MOK: variants seen among roughly 807,000 people sequenced by gnomAD.
The protein encoded by MOK is MOK protein kinase, also known as MAPK/MAK/MRK overlapping kinase.
Under a neutral mutation model 54.2 loss-of-function variants are expected in MOK, and 59 were observed. The ratio of observed to expected loss-of-function variants is 1.09; its 90% CI spans 0.88 to 1.35. MOK has a LOEUF of 1.35. Ranked by LOEUF, MOK falls within the 40% of genes most tolerant of loss-of-function variation. MOK has a pLI of 0.00. For missense variants in MOK, 517 were observed against 526.2 expected (o/e 0.98, Z 0.17); for synonymous variants, 210 against 202.7 (o/e 1.04, Z -0.31).
chr14:102,291,772 C>A (rs577863321), intron 1 of MOK, among the ~76,000 whole-genome samples: 2 of 152,140 alleles, frequency 1.3e-5, no homozygotes, highest in South Asian at 4.2e-4. Flanking sequence ...GCCTGGCCAA[C>A]ATGGTGAAAC....
At chr14:102,221,121 G>T (rs1169148930), downstream of MOK, among the ~76,000 whole-genome samples, 2 of 152,208 alleles carry the variant, frequency 1.3e-5, no homozygotes, top group African/African-American at 4.8e-5. The surrounding 1 kb of genome is among the most constrained non-coding windows in gnomAD (Gnocchi z 4.8). Context: ...CTTCCTGTGG[G>T]TGGGGCTGCC....
chr14:102,229,270 A>C lies in MOK; in HGVS notation c.*19T>G. The C allele has an allele frequency of 6.4e-7, 1 of 1,571,002 alleles. No homozygotes were observed. The highest frequency in any genetic ancestry group is 8.6e-7 in the Non-Finnish European group (1 of 1,156,826). The stretch of plus-strand genomic sequence containing the variant: ...GGGCTTGGTGTTGCCTCCGAAGTCG[A>C]GACGACGGTGCTGCTCAGTTATCTT... On this transcript the variant is annotated 3_prime_UTR_variant, in exon 12 of 12. Transcript: ENST00000361847.
In MOK at chr14:102,288,041, A is replaced by C. The variant is rs570466051; in HGVS notation, c.8-4449T>G. On this transcript the variant is annotated intron_variant, in intron 1 of 11. Coordinates refer to ENST00000361847, the MANE Select transcript of MOK (RefSeq NM_014226.3). ...AGTAGAGACGGGGTTTCACCTTGTT[A>C]GCCAGGATGGTCTCGATCTCCTGAC... Among the ~76,000 whole-genome samples the C allele has an allele frequency of 7.9e-4, 118 of 150,126 alleles. 1 individual carries two copies. Among genetic ancestry groups the C allele is most frequent in the African/African-American group, 2.7e-3 (109 of 39,968 alleles).
chr14:102,229,085 C>T lies in MOK; in HGVS notation c.*204G>A. 1.9e-6 allele frequency: 1 copy of T among 524,646 alleles called. No homozygotes were observed. The highest frequency in any genetic ancestry group is 3.3e-6 in the Non-Finnish European group (1 of 303,224). 32.5% of individuals were successfully genotyped at this position (524,646 alleles called of 1,614,324 possible). A position where few individuals can be genotyped will look rare whatever the true frequency, so the allele number is the denominator to read the frequency against. ...AAAACCCTAGAATGCGGTGGTTTTACAAGTATATTAGCCCAGAACATCCTA... is the reference window on the plus strand; with the variant it reads ...AAAACCCTAGAATGCGGTGGTTTTATAAGTATATTAGCCCAGAACATCCTA... On this transcript the variant is annotated 3_prime_UTR_variant, in exon 12 of 12. Transcript: ENST00000361847.
At chr14:102,279,274 G>A (rs80203376) in intron 2 of MOK, among the ~76,000 whole-genome samples, 2,737 of 149,208 alleles carry the variant, frequency 0.018, 92 homozygotes, top group African/African-American at 0.067. Context: ...TAAAAGCATA[G>A]CAAGAGAACC....
At chr14:102,233,327 G>T (rs970996025) in intron 8 of MOK, 9 of 197,840 alleles carry the variant, frequency 4.5e-5, no homozygotes, top group African/African-American at 1.9e-4. Context: ...CCGCCAGCAG[G>T]GCTGTGGAGG....
At chr14:102,295,867 G>A (rs1309145443) in intron 1 of MOK, among the ~76,000 whole-genome samples, 3 of 152,194 alleles carry the variant, frequency 2.0e-5, no homozygotes, top group African/African-American at 7.2e-5. Context: ...TGGGCGTGAT[G>A]GCTCACATCT....
At chr14:102,276,889 C>T (rs573848777) in intron 2 of MOK, among the ~76,000 whole-genome samples, 126 of 152,108 alleles carry the variant, frequency 8.3e-4, no homozygotes, top group African/African-American at 2.8e-3. Context: ...TGCTCTGTCA[C>T]CTAGGCTGGA....
At chr14:102,264,383 A>G (rs1354351518) in intron 3 of MOK, 2 of 152,348 alleles carry the variant, frequency 1.3e-5, no homozygotes, top group Non-Finnish European at 2.9e-5. Context: ...TCACATCACA[A>G]GTGTGTGATA....
intron 3 of MOK, 51 bp downstream of exon 3, chr14:102,265,772 A>T: frequency 6.9e-7 from 1 of 1,440,768 alleles, no homozygotes; most frequent in Non-Finnish European, 9.7e-7. Context: ...TCTTAAAAAG[A>T]GATTATTTTC....
rs2064614562 is a variant in MOK, at chr14:102,230,775, G to C, written c.981+932C>G. 6.6e-6 allele frequency: 1 copy of C among 152,632 alleles called. No individual in the cohort carries two copies. The highest frequency in any genetic ancestry group is 2.4e-5 in the African/African-American group (1 of 41,478). 9.5% of individuals were successfully genotyped at this position (152,632 alleles called of 1,614,324 possible). ...TGTGGGATGAAGGAAGGGTCCACGG[G>C]GGGCCTGGGCAGTTGACGGAGTTGC... On this transcript the variant is annotated intron_variant, in intron 10 of 11. Coordinates refer to ENST00000361847, the MANE Select transcript of MOK (RefSeq NM_014226.3). This position sits in a 1 kb window ranked among gnomAD's most constrained non-coding sequence, Gnocchi z 4.1.
chr14:102,265,877 G>A lies in MOK; in HGVS notation c.158C>T (p.Ala53Val). Residue 53 changes from alanine (A) to valine (V), a missense_variant, in exon 3 of 12, where the codon GCA becomes GTA. Ala to Val is a moderately conservative substitution (Grantham distance 64, BLOSUM62 0). Transcript: ENST00000361847. Reference protein sequence around the residue: ...EQVNNLREIQALRRLNPHPNI... With the variant: ...EQVNNLREIQVLRRLNPHPNI... ...TGGGTGCGGATTCAGGCGCCTCAGT[G>A]CTTGGATCTCTCGTAGGTTGTTGAC... 6.2e-7 allele frequency: 1 copy of A among 1,614,000 alleles called. No individual in the cohort carries two copies. Among genetic ancestry groups the A allele is most frequent in the Non-Finnish European group, 8.5e-7 (1 of 1,179,894 alleles).
intron 1 of MOK, among the ~76,000 whole-genome samples, chr14:102,284,122 G>T (rs1664018050): frequency 6.6e-6 from 1 of 152,060 alleles, no homozygotes. Flanking sequence ...CCTGATAATG[G>T]TTTTGGAAGC....
chr14:102,280,124 T>C (rs895052812), intron 2 of MOK, among the ~76,000 whole-genome samples: 6 of 151,988 alleles, frequency 3.9e-5, no homozygotes, highest in African/African-American at 1.5e-4. Context: ...CATGGTTTCC[T>C]GGTGGTGAGG....
chr14:102,226,212 C>G (rs2153076588), downstream of MOK: 2 of 624,652 alleles, frequency 3.2e-6, no homozygotes, highest in Non-Finnish European at 5.8e-6. This position sits in a 1 kb window ranked among gnomAD's most constrained non-coding sequence, Gnocchi z 4.8. Flanking sequence ...TGGGGTGTGA[C>G]TGGGCTCCCC....
chr14:102,265,715 C>A, intron 3 of MOK, 108 bp downstream of exon 3: 1 of 837,498 alleles, frequency 1.2e-6, no homozygotes. Context: ...AATGGTTACT[C>A]TCTGAGCTAC....
chr14:102,224,915 G>C, downstream of MOK: 1 of 402,688 alleles, frequency 2.5e-6, no homozygotes, highest in South Asian at 1.8e-5. Flanking sequence ...GCATGTTTTA[G>C]GTACTTTGGT....
chr14:102,288,897 CTTTGT>C (rs569165491), intron 1 of MOK, among the ~76,000 whole-genome samples: 1 of 151,980 alleles, frequency 6.6e-6, no homozygotes, highest in Non-Finnish European at 1.5e-5. Context: ...GTAAGTGCAG[CTTTGT>C]TTTGTTTTGT....
intron 2 of MOK, among the ~76,000 whole-genome samples, chr14:102,279,079 G>T (rs893038956): frequency 6.6e-6 from 1 of 152,142 alleles, no homozygotes; most frequent in African/African-American, 2.4e-5. Context: ...AACTAAAATG[G>T]AGGAGCTGCT....
Sources: allele counts gnomAD v4.1 joint callset (sites outside exome capture counted in the v4.1 genomes callset), GRCh38; gene constraint gnomAD v4.1.1; non-coding constraint Gnocchi (gnomAD v3.1); transcripts MANE v1.5; gene names NCBI Gene and HGNC (gene_info 2026-07-23, HGNC 2026-07-21).